GAS2: variants seen among roughly 807,000 people sequenced by gnomAD.
GAS2 encodes growth arrest specific 2.
In GAS2, 20 loss-of-function variants were observed where a neutral mutation model predicts 37.5. That is an observed-to-expected ratio of 0.53 (90% CI 0.37 to 0.77). The LOEUF (loss-of-function observed/expected upper bound fraction) is 0.77. Ranked by LOEUF, GAS2 falls within the 30% of genes least tolerant of loss-of-function variation. The pLI, the probability that GAS2 is intolerant of heterozygous loss-of-function variation, is 0.00. For missense variants in GAS2, 336 were observed against 373.4 expected (o/e 0.90, Z 0.82); for synonymous variants, 144 against 132.2 (o/e 1.09, Z -0.61).
At chr11:22,683,752 A>G (rs1216670990) in intron 2 of GAS2, among the ~76,000 whole-genome samples, 5 of 151,682 alleles carry the variant, frequency 3.3e-5, no homozygotes, top group Admixed American at 3.3e-4. Flanking sequence ...TTATTTCTTC[A>G]TTTGTTCATT....
intron 1 of GAS2, chr11:22,626,573 GT>G (rs1337458551): frequency 6.6e-6 from 1 of 152,670 alleles, no homozygotes; most frequent in African/African-American, 2.4e-5. Context: ...TGACAAGAGA[GT>G]AGGGAGGAGA....
intron 1 of GAS2, among the ~76,000 whole-genome samples, chr11:22,653,898 C>T (rs1487941119): frequency 6.6e-6 from 1 of 152,202 alleles, no homozygotes; most frequent in East Asian, 1.9e-4. Context: ...TCTACTCACT[C>T]TTAGGGCCCT....
intron 1 of GAS2, among the ~76,000 whole-genome samples, chr11:22,633,250 C>T (rs1228570339): frequency 6.6e-6 from 1 of 151,730 alleles, no homozygotes; most frequent in African/African-American, 2.4e-5. Flanking sequence ...CTGTTTTTCC[C>T]TCTTGAGGAT....
In GAS2 at chr11:22,639,875, C is replaced by T. The variant is rs545084582; in HGVS notation, c.-21+14062C>T. Among the ~76,000 whole-genome samples, 3 of 152,218 alleles carry T rather than the reference C, an allele frequency of 2.0e-5. No homozygotes were observed. The East Asian group carries it at 5.8e-4, about 29-fold the overall frequency. On this transcript the variant is annotated intron_variant, in intron 1 of 5. Coordinates refer to the GAS2 transcript ENST00000528582. ...AAGTGTATGCCTGAGATACCGATCT[C>T]CTTTGCCTTTGGGGCATATGAATGA...
Position 22,707,283 on chromosome 11 carries a change from T to C in GAS2, c.268-19009T>C, listed in dbSNP as rs2134060557. On this transcript the variant is annotated intron_variant, in intron 3 of 7. Transcript: ENST00000454584. ...TACACACATGTGCATTGTACCTTCA[T>C]GAGTACCTGAGGGTTATGAGCCTTG... Among the ~76,000 whole-genome samples the C allele has an allele frequency of 3.9e-5, 6 of 152,306 alleles. No individual in the cohort carries two copies. In the South Asian group the frequency reaches 1.2e-3, roughly 32 times the overall value.
At chr11:22,809,307 T>C (rs1430082810) in intron 7 of GAS2, among the ~76,000 whole-genome samples, 5 of 152,022 alleles carry the variant, frequency 3.3e-5, no homozygotes, top group African/African-American at 7.2e-5. Context: ...GGGGAAGGAA[T>C]GTAGCTACAT....
intron 2 of GAS2, among the ~76,000 whole-genome samples, chr11:22,682,869 T>TAA (rs371098220): frequency 0.58 from 44,372 of 76,706 alleles, 13,457 homozygotes; most frequent in East Asian, 0.72. Context: ...CACTTTCTGC[T>TAA]AAAAAAAAAA....
chr11:22,745,011 C>T lies in GAS2; in HGVS notation c.474-4109C>T, dbSNP rs1253203179. On this transcript the variant is annotated intron_variant, in intron 5 of 7. Transcript: ENST00000454584. ...AAAGGAAGAACCAATATCATTAAAA[C>T]GGCCATACTGCCCAAAGCAATCTAT... Among the ~76,000 whole-genome samples the T allele has an allele frequency of 2.0e-5, 3 of 151,334 alleles. No homozygotes were observed. The South Asian group carries it at 6.2e-4, about 31-fold the overall frequency.
At chr11:22,792,432 G>T (rs1389433495) in intron 7 of GAS2, among the ~76,000 whole-genome samples, 5 of 152,138 alleles carry the variant, frequency 3.3e-5, no homozygotes, top group Non-Finnish European at 7.4e-5. Context: ...TGAGAGAATA[G>T]AAATATAAAA....
intron 2 of GAS2, among the ~76,000 whole-genome samples, chr11:22,679,549 T>C (rs537669144): frequency 2.2e-4 from 34 of 152,224 alleles, no homozygotes; most frequent in African/African-American, 8.2e-4. Context: ...ACTACTTTTA[T>C]AATTATTGAT....
At chr11:22,682,981 A>G (rs891430293) in intron 2 of GAS2, among the ~76,000 whole-genome samples, 34 of 151,220 alleles carry the variant, frequency 2.2e-4, no homozygotes, top group African/African-American at 7.8e-4. Flanking sequence ...TGGGCATGCT[A>G]CTTTCATTTC....
At chr11:22,699,197 A>T (rs1850699855) in intron 3 of GAS2, among the ~76,000 whole-genome samples, 1 of 152,174 alleles carries the variant, frequency 6.6e-6, no homozygotes, top group Non-Finnish European at 1.5e-5. Flanking sequence ...TACCAAAGAA[A>T]TTTTTGGAAA....
chr11:22,730,949 T>TGAA (rs1485221832), intron 4 of GAS2, among the ~76,000 whole-genome samples: 7 of 151,834 alleles, frequency 4.6e-5, no homozygotes, highest in Non-Finnish European at 7.4e-5. Context: ...TGAGTGTTTT[T>TGAA]ATGGGGCTAA....
chr11:22,656,612 A>G (rs1004545333), intron 1 of GAS2, among the ~76,000 whole-genome samples: 1 of 152,240 alleles, frequency 6.6e-6, no homozygotes, highest in East Asian at 1.9e-4. Flanking sequence ...CCACAATCAA[A>G]AGGTAAAGCA....
chr11:22,698,218 C>T lies in GAS2; in HGVS notation c.267+12429C>T, dbSNP rs552345094. Among the ~76,000 whole-genome samples, 111 of 152,222 alleles carry T rather than the reference C, an allele frequency of 7.3e-4. 2 individuals carry two copies. The South Asian group carries it at 0.021, about 29-fold the overall frequency. On this transcript the variant is annotated intron_variant, in intron 3 of 7. Transcript: ENST00000454584. ...ACCCATCCCACAGAAATACAAACTA[C>T]CATCAGAGAATACTACAAACACCTC...
At chr11:22,783,901 G>A (rs903047834) in intron 7 of GAS2, among the ~76,000 whole-genome samples, 8 of 152,008 alleles carry the variant, frequency 5.3e-5, no homozygotes, top group African/African-American at 1.7e-4. Context: ...TTGAATTAGC[G>A]TCTTTTCCCC....
intron 1 of GAS2, among the ~76,000 whole-genome samples, chr11:22,672,866 A>G (rs1849259656): frequency 6.6e-6 from 1 of 151,760 alleles, no homozygotes; most frequent in South Asian, 2.1e-4. Flanking sequence ...ATGTTTAATC[A>G]CAGAATTTGG....
At chr11:22,764,824 GCAATGAGTAGATTTTT>G (rs1383423172) in intron 7 of GAS2, among the ~76,000 whole-genome samples, 2 of 152,128 alleles carry the variant, frequency 1.3e-5, no homozygotes, top group African/African-American at 2.4e-5. Context: ...TGGCCATTTA[GCAATGAGTAGATTTTT>G]CAATAGTGTC....
At chr11:22,672,933 A>G (rs1340771263) in intron 1 of GAS2, among the ~76,000 whole-genome samples, 2 of 152,126 alleles carry the variant, frequency 1.3e-5, no homozygotes, top group Non-Finnish European at 2.9e-5. Context: ...AATAATAAAA[A>G]GTGGTGTTCT....
Sources: allele counts gnomAD v4.1 joint callset (sites outside exome capture counted in the v4.1 genomes callset), GRCh38; gene constraint gnomAD v4.1.1; transcripts MANE v1.5; gene names NCBI Gene and HGNC (gene_info 2026-07-23, HGNC 2026-07-21).